GMDS: variants seen among roughly 807,000 people sequenced by gnomAD.
GMDS encodes GDP-mannose 4,6-dehydratase, also known as GDP-mannose 4,6 dehydratase.
GMDS carries 20 observed loss-of-function variants against 49.9 expected under a neutral mutation model. The ratio of observed to expected loss-of-function variants is 0.40; its 90% CI spans 0.28 to 0.58. GMDS has a LOEUF of 0.58. Among genes scored for constraint, GMDS ranks in the 20% least tolerant of loss-of-function variants. GMDS has a pLI of 0.42. For synonymous variants in GMDS, 177 were observed against 178.6 expected, an observed-to-expected ratio of 0.99 and a Z score of 0.07; for missense variants, 362 against 481.4, an observed-to-expected ratio of 0.75 and a Z score of 2.32.
At chr6:2,116,725 C>T (rs1454374723) in intron 3 of GMDS, among the ~76,000 whole-genome samples, 2 of 152,154 alleles carry the variant, frequency 1.3e-5, no homozygotes, top group African/African-American at 2.4e-5. Flanking sequence ...CTGACTGTAT[C>T]GTCCTTGCTG....
intron 7 of GMDS, among the ~76,000 whole-genome samples, chr6:1,904,841 G>C (rs1005068346): frequency 2.0e-5 from 3 of 152,188 alleles, no homozygotes; most frequent in African/African-American, 7.2e-5. Context: ...GTGGCAGAAG[G>C]AGTGCATGAG....
intron 4 of GMDS, among the ~76,000 whole-genome samples, chr6:2,099,219 T>C (rs1424841057): frequency 2.0e-5 from 3 of 152,088 alleles, no homozygotes; most frequent in African/African-American, 4.8e-5. Context: ...TAACTACTTC[T>C]CCAAACAGCT....
intron 8 of GMDS, among the ~76,000 whole-genome samples, chr6:1,731,071 C>T (rs973657460): frequency 3.3e-5 from 5 of 152,030 alleles, no homozygotes; most frequent in Non-Finnish European, 5.9e-5. Context: ...CAGGATACTA[C>T]ATAAAAAGAA....
At chr6:1,924,362 T>C (rs930689881) in intron 7 of GMDS, among the ~76,000 whole-genome samples, 10 of 152,178 alleles carry the variant, frequency 6.6e-5, no homozygotes, top group Non-Finnish European at 4.4e-5. Context: ...AGGACCCTTC[T>C]GGAGCATCTG....
intron 1 of GMDS, among the ~76,000 whole-genome samples, chr6:2,178,791 C>T (rs574182108): frequency 6.6e-6 from 1 of 152,218 alleles, no homozygotes; most frequent in Non-Finnish European, 1.5e-5. Context: ...TATTTAATTC[C>T]CCTTTTTCAA....
At chr6:2,206,196 T>A (rs1779800052) in intron 1 of GMDS, among the ~76,000 whole-genome samples, 1 of 151,804 alleles carries the variant, frequency 6.6e-6, no homozygotes, top group South Asian at 2.1e-4. Context: ...AGGCAGAGGT[T>A]GTGGTGAGCC....
intron 4 of GMDS, among the ~76,000 whole-genome samples, chr6:2,085,251 T>C (rs1772945048): frequency 6.6e-6 from 1 of 152,210 alleles, no homozygotes; most frequent in African/African-American, 2.4e-5. Flanking sequence ...ATTCCTTTCT[T>C]TCTCCCTAGG....
intron 7 of GMDS, among the ~76,000 whole-genome samples, chr6:1,755,735 T>C (rs1178291019): frequency 6.6e-6 from 1 of 152,140 alleles, no homozygotes; most frequent in African/African-American, 2.4e-5. Context: ...ATGGACCCCT[T>C]CCTTATGCCT....
intron 1 of GMDS, among the ~76,000 whole-genome samples, chr6:2,172,750 AC>A (rs1272640735): frequency 2.0e-5 from 3 of 152,124 alleles, no homozygotes; most frequent in Non-Finnish European, 4.4e-5. Flanking sequence ...TGCATGGAAA[AC>A]TGGTGCCCCA....
chr6:2,147,874 T>C (rs1040911013), intron 1 of GMDS, among the ~76,000 whole-genome samples: 4 of 149,926 alleles, frequency 2.7e-5, no homozygotes, highest in Non-Finnish European at 4.4e-5. Flanking sequence ...ACGTAGAAAC[T>C]AAAAGTAGTT....
At chr6:2,183,910 A>AT (rs1052502332) in intron 1 of GMDS, among the ~76,000 whole-genome samples, 28 of 152,188 alleles carry the variant, frequency 1.8e-4, no homozygotes, top group African/African-American at 6.8e-4. Context: ...AGTTATGTAC[A>AT]TTTTTTAGAT....
intron 6 of GMDS, among the ~76,000 whole-genome samples, chr6:1,937,183 T>C (rs1020833822): frequency 2.0e-5 from 3 of 152,186 alleles, no homozygotes; most frequent in African/African-American, 7.2e-5. Flanking sequence ...TGGAACACTC[T>C]ACGTCTACAA....
chr6:1,829,472 C>T (rs536144604), intron 7 of GMDS, among the ~76,000 whole-genome samples: 25 of 152,220 alleles, frequency 1.6e-4, no homozygotes, highest in Non-Finnish European at 2.6e-4. Flanking sequence ...CTTGCTGTAT[C>T]ATCCAGGCTG....
At chr6:2,123,619 T>C (rs1420805609) in intron 2 of GMDS, among the ~76,000 whole-genome samples, 1 of 152,266 alleles carries the variant, frequency 6.6e-6, no homozygotes, top group Non-Finnish European at 1.5e-5. Flanking sequence ...CTTTGTACTA[T>C]ACATAACCTA....
At chr6:1,887,950 TG>T (rs1219159459) in intron 7 of GMDS, among the ~76,000 whole-genome samples, 1 of 151,882 alleles carries the variant, frequency 6.6e-6, no homozygotes, top group African/African-American at 2.4e-5. Context: ...TAGGTTTTTT[TG>T]TTTTGTTTTG....
At chr6:1,915,945 G>A (rs1281243143) in intron 7 of GMDS, among the ~76,000 whole-genome samples, 1 of 152,188 alleles carries the variant, frequency 6.6e-6, no homozygotes, top group East Asian at 1.9e-4. Flanking sequence ...CTGACCATTA[G>A]AGCTGTTCAT....
intron 9 of GMDS, among the ~76,000 whole-genome samples, chr6:1,655,866 C>T (rs1763863554): frequency 6.6e-6 from 1 of 152,200 alleles, no homozygotes; most frequent in African/African-American, 2.4e-5. Context: ...CGGATACATT[C>T]CCAGATTCAA....
At chr6:1,654,304 T>C (rs1357113947) in intron 9 of GMDS, among the ~76,000 whole-genome samples, 1 of 152,206 alleles carries the variant, frequency 6.6e-6, no homozygotes, top group Non-Finnish European at 1.5e-5. Flanking sequence ...TAGACACTTG[T>C]CCACTCATAT....
At chr6:1,961,113 T>C (rs942992722) in intron 4 of GMDS, 147 bp from the exon 5 acceptor site, 7 of 493,872 alleles carry the variant, frequency 1.4e-5, no homozygotes, top group Non-Finnish European at 2.2e-5. Context: ...AACGTGGATG[T>C]CATCTACATA....
Sources: gnomAD v4.1 joint callset for allele counts (sites outside exome capture counted in the v4.1 genomes callset) on GRCh38, gnomAD v4.1.1 for gene constraint, MANE v1.5 for transcripts, NCBI Gene and HGNC (gene_info 2026-07-23, HGNC 2026-07-21) for gene names.